EPN1: variants seen among roughly 807,000 people sequenced by gnomAD.
EPN1 encodes epsin 1, also known as epsin-1.
In EPN1, 25 loss-of-function variants were observed where a neutral mutation model predicts 56.9. The observed-to-expected ratio is 0.44, with a 90% CI of 0.32 to 0.61. The LOEUF is 0.61. Ranked by LOEUF, EPN1 falls within the 20% of genes least tolerant of loss-of-function variation. The pLI is 0.05. For missense variants in EPN1, 785 were observed against 823.7 expected (o/e 0.95, Z 0.58); for synonymous variants, 411 against 361.8 (o/e 1.14, Z -1.54).
rs1038366035 is a variant in EPN1, at chr19:55,675,262, C to A, written c.-275C>A. On this transcript the variant is annotated 5_prime_UTR_variant, in exon 1 of 11. Coordinates refer to ENST00000270460, the MANE Select transcript of EPN1 (RefSeq NM_001130072.2). ...CGTCTCCTCGGCGGCTCCCCTCCCC[C>A]GCCCGGCTCTCCGCGCCCCTTCTGG... 3 of 152,118 alleles carry A rather than the reference C, an allele frequency of 2.0e-5. No homozygotes were observed. Among genetic ancestry groups the A allele is most frequent in the African/African-American group, 7.2e-5 (3 of 41,450 alleles). The allele number at this position is 152,118 out of a possible 1,614,324, so 9.4% of individuals were successfully genotyped here. A position where few individuals can be genotyped will look rare whatever the true frequency, so the allele number is the denominator to read the frequency against.
chr19:55,688,656 C>G (rs556216010), intron 3 of EPN1, among the ~76,000 whole-genome samples: 1 of 151,874 alleles, frequency 6.6e-6, no homozygotes, highest in Admixed American at 6.6e-5. Context: ...TGGCCCCTCC[C>G]GTGGGTGGGG....
chr19:55,707,798 A>G lies in EPN1; in HGVS notation c.*12442A>G, dbSNP rs1230222293. 6.5e-6 allele frequency: 1 copy of G among 154,434 alleles called. No homozygotes were observed. The highest frequency in any genetic ancestry group is 2.4e-5 in the African/African-American group (1 of 41,532). The allele number at this position is 154,434 out of a possible 1,614,324, so 9.6% of individuals were successfully genotyped here. ...TTCTTTCCACTGGAATCCCCCACACAATGGTGTCTTTTGTCCTATGGAAAC... is the reference window on the plus strand; with the variant it reads ...TTCTTTCCACTGGAATCCCCCACACGATGGTGTCTTTTGTCCTATGGAAAC... On this transcript the variant is annotated 3_prime_UTR_variant, in exon 11 of 11. Transcript: ENST00000270460.
At chr19:55,685,938 A>G (rs1156735322) in intron 3 of EPN1, among the ~76,000 whole-genome samples, 1 of 152,140 alleles carries the variant, frequency 6.6e-6, no homozygotes, top group Non-Finnish European at 1.5e-5. Flanking sequence ...CCTGAGGGTG[A>G]TCAGTGCTGG....
rs1361973438 is a variant in EPN1, at chr19:55,689,934, C to T, written c.746C>T (p.Thr249Ile). The T allele has an allele frequency of 1.2e-6, 2 of 1,603,034 alleles. No homozygotes were observed. Among genetic ancestry groups the T allele is most frequent in the Non-Finnish European group, 1.7e-6 (2 of 1,175,310 alleles). ...QMAIEESKRETGGKEESSLMD... is the reference protein window; with the variant it reads ...QMAIEESKREIGGKEESSLMD... ...GCAATCGAGGAGAGCAAGAGGGAGA[C>T]TGGGGGCAAGGAGGAGGTGAGCGGG... The change falls in exon 6 of 11, where the codon ACT becomes ATT. Residue 249 changes from threonine to isoleucine, a missense_variant. Thr to Ile is a moderately conservative substitution (Grantham distance 89, BLOSUM62 -1). Transcript: ENST00000270460. The surrounding 1 kb of genome is among the most constrained non-coding windows in gnomAD (Gnocchi z 5.7).
Position 55,706,280 on chromosome 19 carries a change from C to CTTTTTTTTTTTTTTT in EPN1, c.*10926_*10927insTTTTTTTTTTTTTTT, listed in dbSNP as rs1323034565. 12 of 129,294 alleles carry CTTTTTTTTTTTTTTT rather than the reference C, an allele frequency of 9.3e-5. No individual in the cohort carries two copies. Among genetic ancestry groups the CTTTTTTTTTTTTTTT allele is most frequent in the African/African-American group, 3.2e-4 (10 of 31,638 alleles). The allele number at this position is 129,294 out of a possible 1,614,324, so 8.0% of individuals were successfully genotyped here. A position where few individuals can be genotyped will look rare whatever the true frequency, so the allele number is the denominator to read the frequency against. ...TTTCTTCCTTTCTTCTCTTTTTCTT[C>CTTTTTTTTTTTTTTT]TTCTTTTTTTTTTTTTTTTAAAAGA... On this transcript the variant is annotated 3_prime_UTR_variant, in exon 11 of 11. Coordinates refer to ENST00000270460, the MANE Select transcript of EPN1 (RefSeq NM_001130072.2).
At chr19:55,677,433 G>T in intron 1 of EPN1, 1 of 687,294 alleles carries the variant, frequency 1.5e-6, no homozygotes, top group Non-Finnish European at 2.5e-6. Flanking sequence ...TCTCGGGATG[G>T]GTTAATTTAA....
Position 55,695,340 on chromosome 19 carries a change from A to C in EPN1, c.1715A>C (p.Asn572Thr). The C allele has an allele frequency of 1.4e-5, 20 of 1,479,420 alleles. No individual in the cohort carries two copies. Among genetic ancestry groups the C allele is most frequent in the Non-Finnish European group, 1.7e-5 (19 of 1,092,268 alleles). 91.6% of individuals were successfully genotyped at this position (1,479,420 alleles called of 1,614,324 possible). A position where few individuals can be genotyped will look rare whatever the true frequency, so the allele number is the denominator to read the frequency against. ...CCGGGCCCCCCGGCCCCCAACACTAATCCCTTCCTCCTATAATCCAGGGCG... is the reference window on the plus strand; with the variant it reads ...CCGGGCCCCCCGGCCCCCAACACTACTCCCTTCCTCCTATAATCCAGGGCG... ...MPPGPPAPNT[N>T]PFLL Residue 572 changes from asparagine (N) to threonine (T), a missense_variant, in exon 11 of 11, where the codon AAT (asparagine) becomes ACT (threonine). By Grantham distance (65) the Asn-to-Thr change is moderately conservative. Around this residue, in one of 2 missense-constraint regions of EPN1, gnomAD observed 650 missense variants for 605.0 expected, o/e 1.07. Transcript: ENST00000270460. The surrounding 1 kb of genome is among the most constrained non-coding windows in gnomAD (Gnocchi z 4.4).
rs371169888 is a variant in EPN1, at chr19:55,678,774, C to T, written c.147C>T (p.Asn49=). The change falls in exon 2 of 11, where the codon AAC becomes AAT. Residue 49 remains asparagine (N), a synonymous_variant. Transcript: ENST00000270460. Reference sequence around the variant, plus strand: ...CAGAGATTGCCGACCTCACCTACAACGTTGTCGCCTTCTCGGAGATCATGA... The same window carrying T: ...CAGAGATTGCCGACCTCACCTACAATGTTGTCGCCTTCTCGGAGATCATGA... ...LMSEIADLTY[N]VVAFSEIMSM... 38 of 1,614,078 alleles carry T rather than the reference C, an allele frequency of 2.4e-5. No individual in the cohort carries two copies. The highest frequency in any genetic ancestry group is 1.7e-4 in the Admixed American group (10 of 60,000).
At chr19:55,677,982 A>G (rs756751742) in intron 1 of EPN1, among the ~76,000 whole-genome samples, 1 of 152,240 alleles carries the variant, frequency 6.6e-6, no homozygotes, top group Non-Finnish European at 1.5e-5. Context: ...GACCTTAGCT[A>G]CAGAATCAGA....
chr19:55,692,065 C>T lies in EPN1; in HGVS notation c.1066+8C>T, dbSNP rs771574556. On this transcript the variant is annotated splice_region_variant and intron_variant, in intron 7 of 10. Transcript: ENST00000270460. ...CATGGGGAAGTTCCGATGGTGAGTG[C>T]GTGGCCCACTTGCATGCAGCCCCTA... is the stretch of plus-strand genomic sequence containing the variant. The T allele has an allele frequency of 1.1e-4, 155 of 1,429,122 alleles. No homozygotes were observed. The highest frequency in any genetic ancestry group is 1.3e-4 in the Non-Finnish European group (144 of 1,096,944). 88.5% of individuals were successfully genotyped at this position (1,429,122 alleles called of 1,614,324 possible). A position where few individuals can be genotyped will look rare whatever the true frequency, so the allele number is the denominator to read the frequency against.
At chr19:55,693,213 C>CAG (rs1329426387) in intron 9 of EPN1, 176 bp downstream of exon 9, 2 of 544,724 alleles carry the variant, frequency 3.7e-6, no homozygotes, top group Non-Finnish European at 6.5e-6. Context: ...AAGAAGTGTG[C>CAG]ATCTTTATTT....
intron 2 of EPN1, 66 bp from the exon 3 acceptor site, chr19:55,685,330 C>T (rs986130710): frequency 7.7e-6 from 12 of 1,555,868 alleles, no homozygotes; most frequent in African/African-American, 1.4e-5. Flanking sequence ...GAGCCCGCGT[C>T]GCAGGCAGTC....
chr19:55,680,203 A>G (rs1568565287), intron 2 of EPN1, among the ~76,000 whole-genome samples: 1 of 152,182 alleles, frequency 6.6e-6, no homozygotes, highest in African/African-American at 2.4e-5. Context: ...ACACAGTGAA[A>G]CCCAGCCTTT....
rs1356415698 is a variant in EPN1 at position 55,702,069 on chromosome 19, C to G, written c.*6713C>G. The G allele has an allele frequency of 6.7e-6, 1 of 149,824 alleles. No individual in the cohort carries two copies. Among genetic ancestry groups the G allele is most frequent in the Non-Finnish European group, 1.5e-5 (1 of 68,008 alleles). The allele number at this position is 149,824 out of a possible 1,614,324, so 9.3% of individuals were successfully genotyped here. On this transcript the variant is annotated 3_prime_UTR_variant, in exon 11 of 11. Coordinates refer to ENST00000270460, the MANE Select transcript of EPN1 (RefSeq NM_001130072.2). ...CTCCGCCTCCCAGGTTCAAGCAATT[C>G]TCGTGCCTCAGCCTCCCGCGTAGTC...
At chr19:55,677,251 G>GT in intron 1 of EPN1, 1 of 1,241,644 alleles carries the variant, frequency 8.1e-7, no homozygotes, top group Non-Finnish European at 1.2e-6. Flanking sequence ...CTGAACCTCT[G>GT]TGTCTCAGTT....
rs1486967951 is a variant in EPN1, at chr19:55,704,151, AC to A, written c.*8796del. 6.6e-6 allele frequency: 1 copy of A among 152,460 alleles called. No individual in the cohort carries two copies. The highest frequency in any genetic ancestry group is 6.5e-5 in the Admixed American group (1 of 15,276). 9.4% of individuals were successfully genotyped at this position (152,460 alleles called of 1,614,324 possible). A position where few individuals can be genotyped will look rare whatever the true frequency, so the allele number is the denominator to read the frequency against. ...CCCCACCTTCCAGCCCAGCGCGCAC[AC>A]TAGACGGCACGTGCTCTCCACGCTC... On this transcript the variant is annotated 3_prime_UTR_variant, in exon 11 of 11. Coordinates refer to ENST00000270460, the MANE Select transcript of EPN1 (RefSeq NM_001130072.2).
At chr19:55,680,026 C>G (rs1230701091) in intron 2 of EPN1, among the ~76,000 whole-genome samples, 4 of 152,108 alleles carry the variant, frequency 2.6e-5, no homozygotes, top group Non-Finnish European at 4.4e-5. Flanking sequence ...GGGGCAGACA[C>G]AGAGTGGCCT....
intron 2 of EPN1, among the ~76,000 whole-genome samples, chr19:55,685,074 C>A (rs1986074563): frequency 6.6e-6 from 1 of 152,250 alleles, no homozygotes; most frequent in Admixed American, 6.5e-5. Context: ...CCCTGGCAAC[C>A]CACAATCCAC....
Position 55,709,133 on chromosome 19 carries a change from CTCTTT to C in EPN1, c.*13778_*13782del, listed in dbSNP as rs1987591673. 3 of 861,308 alleles carry C rather than the reference CTCTTT, an allele frequency of 3.5e-6. No homozygotes were observed. In the African/African-American group the frequency reaches 5.3e-5, roughly 15 times the overall value. The allele number at this position is 861,308 out of a possible 1,614,324, so 53.4% of individuals were successfully genotyped here. A position where few individuals can be genotyped will look rare whatever the true frequency, so the allele number is the denominator to read the frequency against. On this transcript the variant is annotated 3_prime_UTR_variant, in exon 11 of 11. Transcript: ENST00000270460. ...CATTCTGATGTCTACCTCTCCTCTC[CTCTTT>C]ATTCTTTCCTAGAAATCACTGGGAG...
Sources: allele counts gnomAD v4.1 joint callset (sites outside exome capture counted in the v4.1 genomes callset), GRCh38; gene constraint gnomAD v4.1.1; regional missense constraint gnomAD v4.1.1; non-coding constraint Gnocchi (gnomAD v3.1); transcripts MANE v1.5; gene names NCBI Gene and HGNC (gene_info 2026-07-23, HGNC 2026-07-21).